IL1RAP: variants seen among roughly 807,000 people sequenced by gnomAD.
IL1RAP encodes interleukin-1 receptor accessory protein.
A neutral mutation model predicts 60.7 loss-of-function variants in IL1RAP; 35 were observed. The ratio of observed to expected loss-of-function variants is 0.58; its 90% CI spans 0.44 to 0.76. The LOEUF (loss-of-function observed/expected upper bound fraction) is 0.76. Ranked by LOEUF, IL1RAP falls within the 30% of genes least tolerant of loss-of-function variation. IL1RAP has a pLI of 0.00. For missense variants in IL1RAP, 572 were observed against 693.9 expected (o/e 0.82, Z 1.97); for synonymous variants, 268 against 250.9 (o/e 1.07, Z -0.64).
intron 5 of IL1RAP, among the ~76,000 whole-genome samples, chr3:190,619,724 T>C (rs1731596563): frequency 7.1e-6 from 1 of 140,266 alleles, no homozygotes; most frequent in Admixed American, 7.3e-5. Context: ...TGAGACCCTA[T>C]CTCAAAAAAA....
intron 1 of IL1RAP, among the ~76,000 whole-genome samples, chr3:190,515,233 C>CTT (rs34578850): frequency 0.079 from 11,500 of 144,716 alleles, 912 homozygotes; most frequent in African/African-American, 0.21. Flanking sequence ...TTCTTTCTTC[C>CTT]TTTTTTTTTT....
chr3:190,620,830 T>C (rs1209224562), intron 6 of IL1RAP, among the ~76,000 whole-genome samples: 4 of 152,192 alleles, frequency 2.6e-5, no homozygotes, highest in Non-Finnish European at 5.9e-5. Context: ...TAATGCAGTT[T>C]CAGGCAAGCA....
downstream of IL1RAP, among the ~76,000 whole-genome samples, chr3:190,651,775 G>A (rs1296431452): frequency 2.0e-5 from 3 of 151,514 alleles, no homozygotes; most frequent in African/African-American, 7.3e-5. Context: ...ATGTGTTTAT[G>A]TGTGTATGTG....
intron 1 of IL1RAP, among the ~76,000 whole-genome samples, chr3:190,554,102 A>AAG (rs989269246): frequency 6.7e-6 from 1 of 149,644 alleles, no homozygotes; most frequent in African/African-American, 2.4e-5. Context: ...ATGAGAGGGA[A>AAG]AGAGATTTCT....
At chr3:190,652,119 T>C (rs1429823151), downstream of IL1RAP, among the ~76,000 whole-genome samples, 1 of 152,114 alleles carries the variant, frequency 6.6e-6, no homozygotes, top group African/African-American at 2.4e-5. Context: ...ATATTTTATT[T>C]TCGGTTAATA....
intron 3 of IL1RAP, 100 bp from the exon 4 acceptor site, chr3:190,604,028 C>T: frequency 8.3e-7 from 1 of 1,200,590 alleles, no homozygotes; most frequent in East Asian, 2.4e-5. Context: ...GAAAGAGGTT[C>T]TGGAAAAGAC....
chr3:190,546,129 C>T (rs1724348691), intron 1 of IL1RAP, among the ~76,000 whole-genome samples: 1 of 152,176 alleles, frequency 6.6e-6, no homozygotes, highest in Admixed American at 6.5e-5. Context: ...TTCCTATTTC[C>T]TATTGCTGTT....
intron 1 of IL1RAP, among the ~76,000 whole-genome samples, chr3:190,514,761 T>C (rs1468120832): frequency 2.0e-5 from 3 of 152,210 alleles, no homozygotes; most frequent in South Asian, 2.1e-4. Flanking sequence ...GACCAGCTTC[T>C]GGAGGAGCGC....
chr3:190,533,811 G>A (rs927987090), intron 1 of IL1RAP, among the ~76,000 whole-genome samples: 4 of 152,154 alleles, frequency 2.6e-5, no homozygotes, highest in Non-Finnish European at 4.4e-5. Flanking sequence ...AAACAAGTCC[G>A]AGTCAGGCCA....
Position 190,650,106 on chromosome 3 carries a change from G to T in IL1RAP, c.*1401G>T. The T allele has an allele frequency of 1.1e-6, 1 of 943,176 alleles. No individual in the cohort carries two copies. The highest frequency in any genetic ancestry group is 1.3e-6 in the Non-Finnish European group (1 of 792,350). 58.4% of individuals were successfully genotyped at this position (943,176 alleles called of 1,614,324 possible). A position where few individuals can be genotyped will look rare whatever the true frequency, so the allele number is the denominator to read the frequency against. ...TGTGTGTGTGTATGTGTATGTATAT[G>T]ACTTTAAATAGCTATGGGTACAATA... On this transcript the variant is annotated 3_prime_UTR_variant, in exon 12 of 12. Transcript: ENST00000447382.
chr3:190,655,046 A>G (rs1734568366), downstream of IL1RAP, among the ~76,000 whole-genome samples: 1 of 152,090 alleles, frequency 6.6e-6, no homozygotes, highest in Non-Finnish European at 1.5e-5. Flanking sequence ...ACACACACGC[A>G]CCACACACAC....
rs1352348193 is a variant in IL1RAP, at chr3:190,556,179, G to A, written c.-39G>A. The A allele has an allele frequency of 6.6e-6, 1 of 152,064 alleles. No individual in the cohort carries two copies. The highest frequency in any genetic ancestry group is 2.4e-5 in the African/African-American group (1 of 41,406). 9.4% of individuals were successfully genotyped at this position (152,064 alleles called of 1,614,324 possible). On this transcript the variant is annotated 5_prime_UTR_variant, in exon 2 of 12. Transcript: ENST00000447382. ...AGAACTAGAACATCAGCAGGCCCTA[G>A]AAGCCTCACTCTTGCCCCTCCCTTT...
chr3:190,552,583 A>G (rs1038752456), intron 1 of IL1RAP, among the ~76,000 whole-genome samples: 2 of 152,134 alleles, frequency 1.3e-5, no homozygotes, highest in African/African-American at 4.8e-5. Context: ...TTCCTTTAGG[A>G]CAATTAATTA....
intron 1 of IL1RAP, among the ~76,000 whole-genome samples, chr3:190,532,833 C>T (rs1179921532): frequency 1.3e-5 from 2 of 152,204 alleles, no homozygotes; most frequent in Admixed American, 1.3e-4. Flanking sequence ...TTGGACTGAG[C>T]CAGCCCATTT....
At position 190,517,983 on chromosome 3, in the gene IL1RAP, A is replaced by C. The variant is rs570592899; in HGVS notation, c.-89+3764A>C. ...TGTTCTGCATGGAAAAAAAAGAAGA[A>C]GAAAAGAAAAAAGAAACACCAAAGA... is the stretch of plus-strand genomic sequence containing the variant. On this transcript the variant is annotated intron_variant, in intron 1 of 11. Transcript: ENST00000447382. 2.6e-5 allele frequency: 4 copies of C among 152,288 alleles called. No individual in the cohort carries two copies. In the South Asian group the frequency reaches 8.3e-4, roughly 32 times the overall value. The allele number at this position is 152,288 out of a possible 1,614,324, so 9.4% of individuals were successfully genotyped here.
intron 5 of IL1RAP, among the ~76,000 whole-genome samples, chr3:190,610,074 A>G (rs1271851572): frequency 6.6e-6 from 1 of 152,156 alleles, no homozygotes; most frequent in Admixed American, 6.5e-5. Flanking sequence ...ACAACTCTGA[A>G]ATATGACCAG....
At chr3:190,627,261 TTTG>T in intron 7 of IL1RAP, 59 bp from the exon 8 acceptor site, 1 of 1,328,390 alleles carries the variant, frequency 7.5e-7, no homozygotes, top group East Asian at 2.4e-5. Flanking sequence ...TGTTTTTTGT[TTTG>T]TTTTGTTTTG....
chr3:190,657,279 C>T (rs1461198416), exon 12 of IL1RAP: 1 of 152,112 alleles, frequency 6.6e-6, no homozygotes, highest in Non-Finnish European at 1.5e-5. Context: ...GGAGAGTATT[C>T]CATTTCAGAA....
chr3:190,536,778 C>T (rs1013976641), intron 1 of IL1RAP, among the ~76,000 whole-genome samples: 2 of 151,894 alleles, frequency 1.3e-5, no homozygotes, highest in Non-Finnish European at 2.9e-5. Flanking sequence ...AAAAAACAAA[C>T]AGACAAAAAG....
Sources: allele counts gnomAD v4.1 joint callset (sites outside exome capture counted in the v4.1 genomes callset), GRCh38; gene constraint gnomAD v4.1.1; transcripts MANE v1.5; gene names NCBI Gene and HGNC (gene_info 2026-07-23, HGNC 2026-07-21).